Variants in PID1 observed in about 807,000 individuals in gnomAD.
PID1 encodes the protein PTB-containing, cubilin and LRP1-interacting protein.
In PID1, 10 loss-of-function variants were observed where a neutral mutation model predicts 19.1. The observed-to-expected ratio is 0.52, with a 90% CI of 0.32 to 0.89. The LOEUF (loss-of-function observed/expected upper bound fraction) is 0.89. Among genes scored for constraint, PID1 ranks in the 40% least tolerant of loss-of-function variants. The pLI is 0.03. For synonymous variants in PID1, 130 were observed against 116.0 expected, an observed-to-expected ratio of 1.12 and a Z score of -0.78; for missense variants, 248 against 285.3, an observed-to-expected ratio of 0.87 and a Z score of 0.94.
rs1690713110 is a variant in PID1, at chr2:229,270,735, G to T, written c.30+279C>A. Among the ~76,000 whole-genome samples the T allele has an allele frequency of 6.0e-5, 9 of 151,066 alleles. No homozygotes were observed. The South Asian group carries it at 1.9e-3, about 32-fold the overall frequency. Reference sequence around the variant, plus strand: ...CAGTGGAATGCAATCTAAATTGCCAGTCAGAAAGTCCAACCTTATATGTAC... The same window carrying T: ...CAGTGGAATGCAATCTAAATTGCCATTCAGAAAGTCCAACCTTATATGTAC... On this transcript the variant is annotated intron_variant, in intron 1 of 2. Transcript: ENST00000392055.
intron 2 of PID1, among the ~76,000 whole-genome samples, chr2:229,115,170 G>A (rs757179612): frequency 2.0e-5 from 3 of 152,062 alleles, no homozygotes; most frequent in Non-Finnish European, 2.9e-5. Flanking sequence ...GTTAAGGTTA[G>A]GTACACTCCT....
At chr2:229,060,227 CCTGT>C (rs925706527) in intron 2 of PID1, among the ~76,000 whole-genome samples, 11 of 152,120 alleles carry the variant, frequency 7.2e-5, no homozygotes, top group African/African-American at 1.9e-4. Flanking sequence ...GCTTATTCTT[CCTGT>C]CTAACTAAAA....
chr2:229,117,579 G>C (rs528313420), intron 2 of PID1, among the ~76,000 whole-genome samples: 1 of 152,048 alleles, frequency 6.6e-6, no homozygotes. Flanking sequence ...TTCCATTGCT[G>C]TGTGAAAGAG....
At chr2:229,089,046 C>T (rs1025166584) in intron 2 of PID1, among the ~76,000 whole-genome samples, 2 of 151,986 alleles carry the variant, frequency 1.3e-5, no homozygotes, top group Admixed American at 6.6e-5. Context: ...ACATTGGCAA[C>T]CAGAAGATAG....
intron 1 of PID1, among the ~76,000 whole-genome samples, chr2:229,232,727 ATTG>A (rs1231472296): frequency 6.7e-6 from 1 of 148,212 alleles, no homozygotes; most frequent in Non-Finnish European, 1.5e-5. Flanking sequence ...AATATGATGC[ATTG>A]TTGTTAATAA....
chr2:229,237,773 T>C (rs1193992534), intron 1 of PID1, among the ~76,000 whole-genome samples: 2 of 152,212 alleles, frequency 1.3e-5, no homozygotes, highest in Non-Finnish European at 2.9e-5. Context: ...TAAATACTTA[T>C]TTGAATTCTG....
intron 1 of PID1, among the ~76,000 whole-genome samples, chr2:229,262,526 A>G (rs1690486431): frequency 6.6e-6 from 1 of 152,206 alleles, no homozygotes; most frequent in Admixed American, 6.5e-5. Context: ...ATTGTGTCGC[A>G]GTATGTGAAA....
intron 1 of PID1, among the ~76,000 whole-genome samples, chr2:229,235,781 C>A (rs1692313207): frequency 1.3e-5 from 2 of 152,092 alleles, no homozygotes; most frequent in South Asian, 4.1e-4. Flanking sequence ...GGCTAATCGG[C>A]ATTCCAGTCT....
intron 2 of PID1, among the ~76,000 whole-genome samples, chr2:229,078,534 G>C (rs535297106): frequency 6.6e-6 from 1 of 152,206 alleles, no homozygotes; most frequent in Non-Finnish European, 1.5e-5. Flanking sequence ...CTGTGGGTTT[G>C]TCATAAACAG....
chr2:229,218,672 T>C (rs1296506034), intron 1 of PID1, among the ~76,000 whole-genome samples: 2 of 152,108 alleles, frequency 1.3e-5, no homozygotes, highest in Admixed American at 1.3e-4. Flanking sequence ...GCAGATTCCA[T>C]ATACAGAGTC....
At chr2:229,188,476 G>A (rs543933839) in intron 1 of PID1, among the ~76,000 whole-genome samples, 1 of 152,256 alleles carries the variant, frequency 6.6e-6, no homozygotes, top group Non-Finnish European at 1.5e-5. Flanking sequence ...GGTAGCTCAC[G>A]CCTGTAATCC....
At chr2:229,067,128 C>T (rs1476719224) in intron 2 of PID1, among the ~76,000 whole-genome samples, 6 of 151,826 alleles carry the variant, frequency 4.0e-5, no homozygotes, top group Non-Finnish European at 7.4e-5. Context: ...GGAGAAGTGC[C>T]GAGCAAAAAG....
chr2:229,269,942 G>T (rs1025822728), intron 1 of PID1, among the ~76,000 whole-genome samples: 3 of 152,122 alleles, frequency 2.0e-5, no homozygotes, highest in African/African-American at 7.2e-5. Flanking sequence ...TGCCCTCTGC[G>T]GGTTGTTCCT....
At chr2:229,175,527 T>C (rs967020613) in intron 1 of PID1, among the ~76,000 whole-genome samples, 7 of 152,232 alleles carry the variant, frequency 4.6e-5, no homozygotes, top group Non-Finnish European at 8.8e-5. Flanking sequence ...ATTTTTGTAT[T>C]TCCAAGAATC....
chr2:229,142,658 G>A (rs1274895734), intron 2 of PID1, among the ~76,000 whole-genome samples: 21 of 152,194 alleles, frequency 1.4e-4, no homozygotes, highest in African/African-American at 3.6e-4. Flanking sequence ...AGCATCTCAC[G>A]CCAGTTAGAA....
chr2:229,196,299 G>C (rs576310497), intron 1 of PID1, among the ~76,000 whole-genome samples: 3 of 152,052 alleles, frequency 2.0e-5, no homozygotes, highest in African/African-American at 7.2e-5. Context: ...AAGAAATATA[G>C]GTTAGCCTTT....
chr2:229,206,995 T>C (rs55716222), intron 1 of PID1, among the ~76,000 whole-genome samples: 23,497 of 152,170 alleles, frequency 0.15, 2,143 homozygotes, highest in Admixed American at 0.25. Flanking sequence ...GGGACTACAC[T>C]TTGATAAGCA....
chr2:229,237,871 A>G (rs1170656920), intron 1 of PID1, among the ~76,000 whole-genome samples: 1 of 152,226 alleles, frequency 6.6e-6, no homozygotes, highest in Non-Finnish European at 1.5e-5. Flanking sequence ...GTTAATTTAT[A>G]CTGACACTGG....
At chr2:229,111,843 T>G (rs1201073561) in intron 2 of PID1, among the ~76,000 whole-genome samples, 1 of 152,154 alleles carries the variant, frequency 6.6e-6, no homozygotes, top group Admixed American at 6.6e-5. Context: ...TTAAATGACA[T>G]CAAAATAGGA....
Sources: gnomAD v4.1 joint callset for allele counts (sites outside exome capture counted in the v4.1 genomes callset) on GRCh38, gnomAD v4.1.1 for gene constraint, MANE v1.5 for transcripts, NCBI Gene and HGNC (gene_info 2026-07-23, HGNC 2026-07-21) for gene names.